The following CDH4 variants were observed in gnomAD, a reference collection of about 807,000 sequenced individuals.
The protein encoded by CDH4 is cadherin 4.
Under a neutral mutation model 86.0 loss-of-function variants are expected in CDH4, and 33 were observed. That is an observed-to-expected ratio of 0.38 (90% CI 0.29 to 0.51). The LOEUF (loss-of-function observed/expected upper bound fraction) is 0.51. Ranked by LOEUF, CDH4 falls within the 20% of genes least tolerant of loss-of-function variation. The pLI, the probability that CDH4 is intolerant of heterozygous loss-of-function variation, is 0.86. For synonymous variants in CDH4, 555 were observed against 549.4 expected (o/e 1.01, Z -0.14); for missense variants, 1,114 against 1,307.4 (o/e 0.85, Z 2.28).
At chr20:61,454,666 C>T (rs569605128) in intron 2 of CDH4, among the ~76,000 whole-genome samples, 3 of 152,256 alleles carry the variant, frequency 2.0e-5, no homozygotes, top group African/African-American at 7.2e-5. Flanking sequence ...AGGATGGTCT[C>T]GATCTCCTGA....
At chr20:61,872,374 G>C (rs1383274157) in intron 6 of CDH4, among the ~76,000 whole-genome samples, 1 of 152,232 alleles carries the variant, frequency 6.6e-6, no homozygotes, top group African/African-American at 2.4e-5. Context: ...AGTTGGCCAG[G>C]TGGAGGAGAG....
chr20:61,723,972 T>TGCGGCAGGGGG (rs2088077716), intron 2 of CDH4, among the ~76,000 whole-genome samples: 1 of 101,356 alleles, frequency 9.9e-6, no homozygotes, highest in African/African-American at 4.0e-5. Flanking sequence ...GGAGGCTCCA[T>TGCGGCAGGGGG]GTGGCAGGGG....
intron 2 of CDH4, among the ~76,000 whole-genome samples, chr20:61,692,187 CTGTA>C (rs764631121): frequency 4.7e-5 from 7 of 149,570 alleles, no homozygotes; most frequent in Admixed American, 2.0e-4. Flanking sequence ...TTATATGTGT[CTGTA>C]TATGTTTGTG....
chr20:61,433,280 G>A (rs530125024), intron 2 of CDH4, among the ~76,000 whole-genome samples: 7 of 152,106 alleles, frequency 4.6e-5, no homozygotes, highest in Middle Eastern at 3.4e-3. Context: ...AAATTACCTC[G>A]GCGGTTTTGT....
At chr20:61,722,337 C>T (rs1168766921) in intron 2 of CDH4, among the ~76,000 whole-genome samples, 4 of 152,172 alleles carry the variant, frequency 2.6e-5, no homozygotes, top group South Asian at 2.1e-4. Flanking sequence ...TCATGCCAGC[C>T]GCCGTCATCA....
intron 4 of CDH4, among the ~76,000 whole-genome samples, chr20:61,839,998 C>T (rs1166206253): frequency 1.3e-5 from 2 of 151,896 alleles, no homozygotes; most frequent in East Asian, 3.9e-4. Flanking sequence ...TGGTCAGGAC[C>T]AAACTGACTC....
intron 2 of CDH4, among the ~76,000 whole-genome samples, chr20:61,597,008 G>A (rs73611541): frequency 0.094 from 14,274 of 152,236 alleles, 777 homozygotes; most frequent in East Asian, 0.23. Context: ...TTATTAACGC[G>A]ATTAGTAACA....
chr20:61,548,885 C>T (rs923549727), intron 2 of CDH4, among the ~76,000 whole-genome samples: 2 of 151,836 alleles, frequency 1.3e-5, no homozygotes, highest in Admixed American at 1.3e-4. Flanking sequence ...AAAGATGGCT[C>T]GTTCAGGGAA....
intron 2 of CDH4, among the ~76,000 whole-genome samples, chr20:61,535,689 G>C (rs2085990992): frequency 6.6e-6 from 1 of 152,180 alleles, no homozygotes; most frequent in African/African-American, 2.4e-5. Flanking sequence ...CTTCTGAGAG[G>C]GGGCCCGGGC....
At chr20:61,840,568 C>T (rs369587471) in intron 4 of CDH4, among the ~76,000 whole-genome samples, 4 of 152,248 alleles carry the variant, frequency 2.6e-5, no homozygotes, top group South Asian at 2.1e-4. Context: ...TAACCTTTCA[C>T]CATCTGTTCT....
chr20:61,365,519 C>T, intron 2 of CDH4, among the ~76,000 whole-genome samples: 1 of 152,168 alleles, frequency 6.6e-6, no homozygotes, highest in African/African-American at 2.4e-5. Flanking sequence ...CCCAGAAAGG[C>T]TTCTGGTTGG....
chr20:61,435,236 G>A (rs562303487), intron 2 of CDH4, among the ~76,000 whole-genome samples: 4 of 152,326 alleles, frequency 2.6e-5, no homozygotes, highest in East Asian at 1.9e-4. Context: ...TCCTTACAGC[G>A]CTCAGGAGTT....
At chr20:61,604,557 C>T (rs888750431) in intron 2 of CDH4, among the ~76,000 whole-genome samples, 28 of 151,776 alleles carry the variant, frequency 1.8e-4, no homozygotes, top group Non-Finnish European at 2.4e-4. Flanking sequence ...GAAATCATCT[C>T]CCCACCTCGT....
intron 2 of CDH4, among the ~76,000 whole-genome samples, chr20:61,443,846 TTGTG>T (rs1162991847): frequency 1.2e-4 from 18 of 151,352 alleles, no homozygotes; most frequent in Admixed American, 3.3e-4. Flanking sequence ...GTGTGTGTGA[TTGTG>T]TGTATCTCTC....
chr20:61,683,853 C>T (rs1348197502), intron 2 of CDH4, among the ~76,000 whole-genome samples: 1 of 152,198 alleles, frequency 6.6e-6, no homozygotes, highest in Admixed American at 6.5e-5. Context: ...TGCCTGCCTG[C>T]CGTGGGGTGA....
chr20:61,903,844 T>G (rs1266388422), intron 8 of CDH4, among the ~76,000 whole-genome samples: 1 of 152,218 alleles, frequency 6.6e-6, no homozygotes, highest in Non-Finnish European at 1.5e-5. Context: ...CTCTGCCTCC[T>G]GCTCCCAAAA....
chr20:61,569,233 T>G (rs75503694), intron 2 of CDH4, among the ~76,000 whole-genome samples: 1,674 of 152,326 alleles, frequency 0.011, 29 homozygotes, highest in African/African-American at 0.038. Flanking sequence ...ATGAGAGGCG[T>G]GGAGTTTCCA....
intron 4 of CDH4, among the ~76,000 whole-genome samples, chr20:61,776,973 T>G (rs1342769129): frequency 6.6e-6 from 1 of 152,208 alleles, no homozygotes; most frequent in Non-Finnish European, 1.5e-5. Context: ...TCAGCCTGTG[T>G]CCTTTCCTCC....
chr20:61,394,350 C>T lies in CDH4; in HGVS notation c.169+139413C>T, dbSNP rs191888068. Among the ~76,000 whole-genome samples the T allele has an allele frequency of 1.4e-4, 22 of 152,282 alleles. No individual in the cohort carries two copies. The East Asian group carries it at 3.7e-3, about 25-fold the overall frequency. ...GGCAGAACCCACCTCTCAGCCCCAGCGACCAGCGGCAGGTGAGCAGCAGCA... is the reference window on the plus strand; with the variant it reads ...GGCAGAACCCACCTCTCAGCCCCAGTGACCAGCGGCAGGTGAGCAGCAGCA... On this transcript the variant is annotated intron_variant, in intron 2 of 15. Coordinates refer to ENST00000614565, the MANE Select transcript of CDH4 (RefSeq NM_001794.5).
Sources: gnomAD v4.1 joint callset for allele counts (sites outside exome capture counted in the v4.1 genomes callset) on GRCh38, gnomAD v4.1.1 for gene constraint, MANE v1.5 for transcripts, NCBI Gene and HGNC (gene_info 2026-07-23, HGNC 2026-07-21) for gene names.